Variants in RALYL observed in about 807,000 individuals in gnomAD.
RALYL encodes RALY RNA binding protein like.
RALYL carries 29 observed loss-of-function variants against 35.1 expected under a neutral mutation model. The ratio of observed to expected loss-of-function variants is 0.83; its 90% confidence interval spans 0.61 to 1.13. RALYL has a LOEUF of 1.13. Among genes scored for constraint, RALYL ranks in the 50% most tolerant of loss-of-function variants. The pLI is 0.00. For missense variants in RALYL, 359 were observed against 360.4 expected (o/e 1.00, Z 0.03); for synonymous variants, 120 against 127.6 (o/e 0.94, Z 0.40).
At chr8:84,772,811 T>C (rs1310609597) in intron 2 of RALYL, among the ~76,000 whole-genome samples, 1 of 152,154 alleles carries the variant, frequency 6.6e-6, no homozygotes. Flanking sequence ...TAAAATTGCT[T>C]TCCTGTCTTA....
intron 1 of RALYL, among the ~76,000 whole-genome samples, chr8:84,210,517 T>A (rs1819234395): frequency 6.6e-6 from 1 of 151,918 alleles, no homozygotes; most frequent in Admixed American, 6.6e-5. Context: ...TGTGATGTAA[T>A]AAATATGTAC....
At chr8:84,568,365 C>T (rs1005558586) in intron 2 of RALYL, among the ~76,000 whole-genome samples, 2 of 151,834 alleles carry the variant, frequency 1.3e-5, no homozygotes, top group African/African-American at 4.8e-5. Context: ...CGTGTCCCTA[C>T]AAAGGACATG....
rs551167174 is a variant in RALYL at position 84,794,464 on chromosome 8, C to T, written c.333-10306C>T. Among the ~76,000 whole-genome samples, 150 of 152,326 alleles carry T rather than the reference C, an allele frequency of 9.8e-4. 1 individual carries two copies. In the South Asian group the frequency reaches 0.031, roughly 31 times the overall value. On this transcript the variant is annotated intron_variant, in intron 3 of 8. Transcript: ENST00000521268. Reference sequence around the variant, plus strand: ...ATTGAAAGAGACAGCTGAGCAGCCACATGCTAGTTTTTCTTAAATTTACTT... The same window carrying T: ...ATTGAAAGAGACAGCTGAGCAGCCATATGCTAGTTTTTCTTAAATTTACTT...
At chr8:84,657,732 T>G (rs779600170) in intron 2 of RALYL, among the ~76,000 whole-genome samples, 1 of 152,108 alleles carries the variant, frequency 6.6e-6, no homozygotes, top group African/African-American at 2.4e-5. Context: ...AGAAAGAAGA[T>G]GGGAGATCCA....
intron 1 of RALYL, among the ~76,000 whole-genome samples, chr8:84,378,336 C>A (rs1332693558): frequency 2.6e-5 from 4 of 151,758 alleles, no homozygotes; most frequent in Non-Finnish European, 4.4e-5. Flanking sequence ...ATATATATAG[C>A]TTTTGAGTTA....
chr8:84,909,576 G>A (rs917929648), intron 8 of RALYL, among the ~76,000 whole-genome samples: 8 of 152,086 alleles, frequency 5.3e-5, no homozygotes, highest in Non-Finnish European at 1.0e-4. Flanking sequence ...AGGAGAGAGT[G>A]TATGACACAC....
chr8:84,428,869 A>G (rs1441768250), intron 1 of RALYL, among the ~76,000 whole-genome samples: 32 of 152,168 alleles, frequency 2.1e-4, no homozygotes, highest in Non-Finnish European at 2.1e-4. Context: ...TATGTCTATT[A>G]ATACATTATG....
At chr8:84,219,238 C>T (rs72696319) in intron 1 of RALYL, among the ~76,000 whole-genome samples, 11,971 of 152,064 alleles carry the variant, frequency 0.079, 778 homozygotes, top group African/African-American at 0.18. Context: ...TTTCTCCAGG[C>T]TGTTCTTGTG....
chr8:84,600,498 G>C (rs1815673391), intron 2 of RALYL, among the ~76,000 whole-genome samples: 4 of 152,048 alleles, frequency 2.6e-5, no homozygotes, highest in African/African-American at 9.7e-5. Flanking sequence ...GTGTAGAAAG[G>C]TCTGCACTTT....
chr8:84,446,127 T>G (rs1386807047), intron 1 of RALYL, among the ~76,000 whole-genome samples: 2 of 152,174 alleles, frequency 1.3e-5, no homozygotes, highest in East Asian at 3.9e-4. Flanking sequence ...TTCTACGTGT[T>G]CCCTGTGTTT....
chr8:84,829,823 A>G (rs577792035), intron 4 of RALYL, among the ~76,000 whole-genome samples: 11 of 152,240 alleles, frequency 7.2e-5, no homozygotes, highest in African/African-American at 2.2e-4. Flanking sequence ...TTGCCAACCA[A>G]TCAATACATA....
intron 1 of RALYL, among the ~76,000 whole-genome samples, chr8:84,423,188 C>T (rs1369837501): frequency 1.6e-4 from 24 of 151,388 alleles, no homozygotes; most frequent in African/African-American, 5.6e-4. Context: ...GAGTCTAAGT[C>T]TCTTTGTAGG....
At chr8:84,443,101 A>G (rs1317855935) in intron 1 of RALYL, among the ~76,000 whole-genome samples, 1 of 152,172 alleles carries the variant, frequency 6.6e-6, no homozygotes, top group African/African-American at 2.4e-5. Context: ...TTATATTACT[A>G]CATTGGTCAG....
intron 1 of RALYL, among the ~76,000 whole-genome samples, chr8:84,258,564 C>A (rs370003440): frequency 3.9e-5 from 6 of 152,092 alleles, no homozygotes; most frequent in African/African-American, 1.4e-4. Context: ...CAAAAAAAGG[C>A]ATTCTTTCTA....
chr8:84,472,255 G>A (rs1297245222), intron 1 of RALYL, among the ~76,000 whole-genome samples: 1 of 151,974 alleles, frequency 6.6e-6, no homozygotes, highest in Non-Finnish European at 1.5e-5. Flanking sequence ...GTGTGTATAA[G>A]GTATGCTTCC....
intron 1 of RALYL, among the ~76,000 whole-genome samples, chr8:84,333,283 A>G (rs1847169955): frequency 6.6e-6 from 1 of 152,250 alleles, no homozygotes; most frequent in South Asian, 2.1e-4. Flanking sequence ...GATAATGATG[A>G]AAGTGCCTAT....
At chr8:84,798,829 G>T (rs1016950940) in intron 3 of RALYL, among the ~76,000 whole-genome samples, 6 of 152,140 alleles carry the variant, frequency 3.9e-5, no homozygotes, top group African/African-American at 1.4e-4. Context: ...AAGCACAAGA[G>T]AAAAAGCAGG....
chr8:84,239,912 T>C (rs1827492689), intron 1 of RALYL, among the ~76,000 whole-genome samples: 1 of 151,726 alleles, frequency 6.6e-6, no homozygotes, highest in Non-Finnish European at 1.5e-5. Flanking sequence ...TAAAAATAAA[T>C]AAAAATAAAA....
At chr8:84,848,435 G>A (rs368897787) in intron 4 of RALYL, among the ~76,000 whole-genome samples, 1 of 119,532 alleles carries the variant, frequency 8.4e-6, no homozygotes, top group South Asian at 3.4e-4. Flanking sequence ...ATGTGTGTGT[G>A]TGTATATATA....
Sources: allele counts gnomAD v4.1 joint callset (sites outside exome capture counted in the v4.1 genomes callset), GRCh38; gene constraint gnomAD v4.1.1; transcripts MANE v1.5; gene names NCBI Gene and HGNC (gene_info 2026-07-23, HGNC 2026-07-21).